Variants in PTPRJ observed in about 807,000 individuals in gnomAD.
PTPRJ encodes the protein protein tyrosine phosphatase receptor type J, also known as receptor-type tyrosine-protein phosphatase eta.
Under a neutral mutation model 141.3 loss-of-function variants are expected in PTPRJ, and 129 were observed. The ratio of observed to expected loss-of-function variants is 0.91; its 90% CI spans 0.79 to 1.06. The LOEUF is 1.06. Ranked by LOEUF, PTPRJ falls within the 50% of genes least tolerant of loss-of-function variation. The probability of loss-of-function intolerance (pLI) is 0.00; values close to 1 mark genes in which losing one functional copy is unlikely to be tolerated. For synonymous variants in PTPRJ, 610 were observed against 640.5 expected (o/e 0.95, Z 0.72); for missense variants, 1,601 against 1,679.7 (o/e 0.95, Z 0.82).
chr11:48,044,299 C>T (rs1037740321), intron 1 of PTPRJ, among the ~76,000 whole-genome samples: 3 of 152,162 alleles, frequency 2.0e-5, no homozygotes, highest in Non-Finnish European at 4.4e-5. Flanking sequence ...GGTCCCACCT[C>T]GGGGGTGGGA....
rs1857943329 is a variant in PTPRJ at position 48,167,438 on chromosome 11, T to C, written c.*76T>C. Reference sequence around the variant, plus strand: ...GAAGGCACATGCCCCGATGTCGACATGTTTTTATATGTCTAATATCTTAAT... The same window carrying C: ...GAAGGCACATGCCCCGATGTCGACACGTTTTTATATGTCTAATATCTTAAT... On this transcript the variant is annotated 3_prime_UTR_variant, in exon 25 of 25. Coordinates refer to ENST00000418331, the MANE Select transcript of PTPRJ (RefSeq NM_002843.4). 5.6e-6 allele frequency: 8 copies of C among 1,435,410 alleles called. No individual in the cohort carries two copies. The highest frequency in any genetic ancestry group is 7.6e-6 in the Non-Finnish European group (8 of 1,045,874). 88.9% of individuals were successfully genotyped at this position (1,435,410 alleles called of 1,614,324 possible).
At chr11:48,142,599 T>A (rs1053846749) in intron 11 of PTPRJ, among the ~76,000 whole-genome samples, 1 of 152,200 alleles carries the variant, frequency 6.6e-6, no homozygotes, top group African/African-American at 2.4e-5. Flanking sequence ...ATCAATCTGT[T>A]AAAAAATAAA....
intron 1 of PTPRJ, among the ~76,000 whole-genome samples, chr11:48,072,638 G>A (rs1434820635): frequency 1.3e-5 from 2 of 152,206 alleles, no homozygotes; most frequent in African/African-American, 2.4e-5. Context: ...AATGCACAGA[G>A]ATTCAGGAGT....
chr11:47,999,255 T>C (rs950436511), intron 1 of PTPRJ, among the ~76,000 whole-genome samples: 3 of 152,210 alleles, frequency 2.0e-5, no homozygotes, highest in South Asian at 2.1e-4. Flanking sequence ...TTATTTGCTG[T>C]CTTTGGCTGC....
At chr11:48,163,673 G>A in intron 23 of PTPRJ, 55 bp downstream of exon 23, 2 of 1,541,890 alleles carry the variant, frequency 1.3e-6, no homozygotes, top group South Asian at 1.1e-5. Flanking sequence ...ATATATTTAT[G>A]AGCACTTTAC....
chr11:48,030,928 T>A (rs1179138336), intron 1 of PTPRJ, among the ~76,000 whole-genome samples: 1 of 152,124 alleles, frequency 6.6e-6, no homozygotes, highest in African/African-American at 2.4e-5. Context: ...TAGTCCCAGA[T>A]ACAATATGTA....
intron 4 of PTPRJ, 88 bp from the exon 5 acceptor site, chr11:48,123,525 C>T: frequency 7.2e-7 from 1 of 1,388,618 alleles, no homozygotes; most frequent in Non-Finnish European, 9.7e-7. Flanking sequence ...CTTTTAAAAC[C>T]CGCTCCCAGC....
intron 4 of PTPRJ, among the ~76,000 whole-genome samples, chr11:48,121,630 A>G (rs1856712347): frequency 6.6e-6 from 1 of 152,230 alleles, no homozygotes; most frequent in Non-Finnish European, 1.5e-5. Context: ...TTATATTCCC[A>G]GGAGTTTCTG....
intron 1 of PTPRJ, among the ~76,000 whole-genome samples, chr11:48,013,087 GA>G (rs1854851436): frequency 2.3e-5 from 3 of 129,750 alleles, no homozygotes; most frequent in African/African-American, 8.9e-5. Context: ...CTGGGCAACA[GA>G]GTGAGACTCT....
chr11:48,068,473 A>G (rs760678120), intron 1 of PTPRJ, among the ~76,000 whole-genome samples: 1 of 152,204 alleles, frequency 6.6e-6, no homozygotes, highest in Non-Finnish European at 1.5e-5. Context: ...GCCTGCCACC[A>G]TGTAAGATGT....
chr11:47,981,526 G>C (rs988484015), intron 1 of PTPRJ, among the ~76,000 whole-genome samples: 2 of 152,218 alleles, frequency 1.3e-5, no homozygotes, highest in Admixed American at 1.3e-4. Context: ...GGGACTCCGG[G>C]CCGAGGGCCC....
chr11:48,132,321 G>GC (rs1857000105), intron 8 of PTPRJ: 1 of 980,548 alleles, frequency 1.0e-6, no homozygotes, highest in South Asian at 4.7e-5. Context: ...GGATTGCTTG[G>GC]CCCAACAGTT....
At chr11:48,082,534 C>G (rs1267844723) in intron 1 of PTPRJ, among the ~76,000 whole-genome samples, 1 of 151,268 alleles carries the variant, frequency 6.6e-6, no homozygotes, top group Non-Finnish European at 1.5e-5. Context: ...TCCTGCCTCA[C>G]CCTTTGAGCC....
At chr11:48,166,114 C>T (rs891314717) in intron 24 of PTPRJ, among the ~76,000 whole-genome samples, 4 of 152,034 alleles carry the variant, frequency 2.6e-5, no homozygotes, top group Non-Finnish European at 1.5e-5. Context: ...CCGCCCGCCT[C>T]GGCCTCCCAA....
At chr11:48,023,848 C>T (rs1197251361) in intron 1 of PTPRJ, among the ~76,000 whole-genome samples, 1 of 151,800 alleles carries the variant, frequency 6.6e-6, no homozygotes. Context: ...TATCTCTTAT[C>T]ATTTCTTCAA....
At chr11:47,981,448 G>A (rs1404316147) in intron 1 of PTPRJ, among the ~76,000 whole-genome samples, 2 of 152,128 alleles carry the variant, frequency 1.3e-5, no homozygotes, top group African/African-American at 4.8e-5. Flanking sequence ...GGCCTGCAGG[G>A]GCCCGAGGGG....
In PTPRJ at chr11:48,139,625, C is replaced by A. The variant is rs754979011; in HGVS notation, c.2292C>A (p.His764Gln). Reference protein sequence around the residue: ...VSSGAWNNATHLESCSSENGT... With the variant: ...VSSGAWNNATQLESCSSENGT... The stretch of plus-strand genomic sequence containing the variant: ...GTGGAGCCTGGAACAATGCGACCCA[C>A]CTGGAGAGCTGCTCCTCTGAGAATG... Residue 764 changes from histidine (H) to glutamine (Q), a missense_variant, in exon 11 of 25, where the codon CAC becomes CAA. Coordinates refer to ENST00000418331, the MANE Select transcript of PTPRJ (RefSeq NM_002843.4). The A allele has an allele frequency of 6.2e-7, 1 of 1,614,244 alleles. No homozygotes were observed. Among genetic ancestry groups the A allele is most frequent in the South Asian group, 1.1e-5 (1 of 91,084 alleles).
chr11:48,163,238 G>C (rs1161774991), intron 22 of PTPRJ, among the ~76,000 whole-genome samples: 1 of 152,156 alleles, frequency 6.6e-6, no homozygotes, highest in Non-Finnish European at 1.5e-5. Context: ...GTGAATCTCT[G>C]CTGCCTCATC....
At chr11:48,156,518 A>G (rs979867155) in intron 21 of PTPRJ, among the ~76,000 whole-genome samples, 1 of 151,064 alleles carries the variant, frequency 6.6e-6, no homozygotes, top group Non-Finnish European at 1.5e-5. Flanking sequence ...GGTTTTCATC[A>G]GCTCCATGAT....
Sources: allele counts gnomAD v4.1 joint callset (sites outside exome capture counted in the v4.1 genomes callset), GRCh38; gene constraint gnomAD v4.1.1; transcripts MANE v1.5; gene names NCBI Gene and HGNC (gene_info 2026-07-23, HGNC 2026-07-21).